The following EPHB1 variants were observed in gnomAD, a reference collection of about 807,000 sequenced individuals.
EPHB1 encodes the protein ephrin type-B receptor 1.
A neutral mutation model predicts 94.4 loss-of-function variants in EPHB1; 30 were observed. The observed-to-expected ratio is 0.32, with a 90% CI of 0.24 to 0.43. The LOEUF is 0.43. EPHB1 is among the 20% of genes least tolerant of loss of function. The pLI, the probability that EPHB1 is intolerant of heterozygous loss-of-function variation, is 1.00. For synonymous variants in EPHB1, 522 were observed against 489.1 expected, an observed-to-expected ratio of 1.07 and a Z score of -0.89; for missense variants, 1,055 against 1,308.3, an observed-to-expected ratio of 0.81 and a Z score of 2.99.
At chr3:134,860,543 G>A (rs146017842) in intron 1 of EPHB1, among the ~76,000 whole-genome samples, 5 of 152,224 alleles carry the variant, frequency 3.3e-5, no homozygotes, top group African/African-American at 1.2e-4. Flanking sequence ...GGCCGGGCGC[G>A]ATGGCTCACG....
chr3:135,259,167 C>A lies in EPHB1; in HGVS notation c.*47C>A. 1 of 1,451,856 alleles carries A rather than the reference C, an allele frequency of 6.9e-7. No individual in the cohort carries two copies. The highest frequency in any genetic ancestry group is 1.2e-5 in the South Asian group (1 of 82,376). The allele number at this position is 1,451,856 out of a possible 1,614,324, so 89.9% of individuals were successfully genotyped here. A position where few individuals can be genotyped will look rare whatever the true frequency, so the allele number is the denominator to read the frequency against. ...GGAGAGGAGGGAAAAGGACCAGGGT[C>A]AAGGGGGACCAGAGGTTGACCACTG... On this transcript the variant is annotated 3_prime_UTR_variant, in exon 16 of 16. Coordinates refer to ENST00000398015, the MANE Select transcript of EPHB1 (RefSeq NM_004441.5).
intron 1 of EPHB1, among the ~76,000 whole-genome samples, chr3:134,847,421 A>C (rs976934005): frequency 6.6e-6 from 1 of 152,124 alleles, no homozygotes; most frequent in Non-Finnish European, 1.5e-5. Flanking sequence ...AAATGTGGAC[A>C]CTCCACCTAC....
intron 2 of EPHB1, among the ~76,000 whole-genome samples, chr3:134,942,678 C>T (rs528387793): frequency 3.9e-5 from 6 of 152,118 alleles, no homozygotes; most frequent in Middle Eastern, 3.4e-3. Context: ...CCATGGTGGT[C>T]GAAGCCTTGT....
intron 1 of EPHB1, among the ~76,000 whole-genome samples, chr3:134,882,328 G>A (rs1013224239): frequency 2.6e-5 from 4 of 152,132 alleles, no homozygotes; most frequent in African/African-American, 7.2e-5. Flanking sequence ...TAACATCTTC[G>A]TTAACCAGTG....
At chr3:134,824,977 CA>C (rs2036448867) in intron 1 of EPHB1, among the ~76,000 whole-genome samples, 1 of 152,234 alleles carries the variant, frequency 6.6e-6, no homozygotes, top group Admixed American at 6.5e-5. Flanking sequence ...GAGAACTATC[CA>C]GTTGGGCCTG....
chr3:135,056,366 C>T (rs1937349610), intron 3 of EPHB1, among the ~76,000 whole-genome samples: 1 of 152,272 alleles, frequency 6.6e-6, no homozygotes, highest in Non-Finnish European at 1.5e-5. Context: ...CACCCTTCCC[C>T]TGTTCGGGCA....
At chr3:135,251,982 T>C (rs1933122590) in intron 15 of EPHB1, among the ~76,000 whole-genome samples, 1 of 152,186 alleles carries the variant, frequency 6.6e-6, no homozygotes, top group Non-Finnish European at 1.5e-5. Flanking sequence ...CTTGAGCACA[T>C]TACTTAATTT....
chr3:135,007,601 T>G (rs967776389), intron 3 of EPHB1, among the ~76,000 whole-genome samples: 1 of 152,198 alleles, frequency 6.6e-6, no homozygotes, highest in African/African-American at 2.4e-5. Flanking sequence ...CCCTAGGTCA[T>G]GGCAGGAAGT....
rs58647369 is a variant in EPHB1, at chr3:135,051,425, A to G, written c.806-55023A>G. Among the ~76,000 whole-genome samples, 405 of 152,344 alleles carry G rather than the reference A, an allele frequency of 2.7e-3. 3 individuals are homozygous for G. Among genetic ancestry groups the G allele is most frequent in the African/African-American group, 9.3e-3 (387 of 41,578 alleles). On this transcript the variant is annotated intron_variant, in intron 3 of 15. Transcript: ENST00000398015. The stretch of plus-strand genomic sequence containing the variant: ...CAAGGTGATTATTTCCTAATAATAA[A>G]TCCCCCAAACTGCTTCCTATCACTC...
intron 3 of EPHB1, among the ~76,000 whole-genome samples, chr3:134,958,166 C>T (rs1421713718): frequency 6.6e-6 from 1 of 152,168 alleles, no homozygotes; most frequent in Admixed American, 6.5e-5. Flanking sequence ...CATTTTGAAC[C>T]TTTCAACAGT....
intron 3 of EPHB1, among the ~76,000 whole-genome samples, chr3:135,061,818 A>G (rs773780523): frequency 6.6e-6 from 1 of 151,994 alleles, no homozygotes; most frequent in African/African-American, 2.4e-5. Flanking sequence ...TCATTGTTCA[A>G]TTCCCACCTA....
At chr3:135,036,573 C>T (rs966777596) in intron 3 of EPHB1, among the ~76,000 whole-genome samples, 1 of 152,158 alleles carries the variant, frequency 6.6e-6, no homozygotes, top group Non-Finnish European at 1.5e-5. Context: ...TTAACTTCAC[C>T]CTTCAGACCT....
intron 1 of EPHB1, among the ~76,000 whole-genome samples, chr3:134,901,302 C>T (rs2107689953): frequency 6.6e-6 from 1 of 152,306 alleles, no homozygotes; most frequent in South Asian, 2.1e-4. Context: ...CTACACGTAA[C>T]ACTTGGTTGA....
At chr3:135,213,759 G>T (rs1275488524) in intron 12 of EPHB1, among the ~76,000 whole-genome samples, 1 of 152,142 alleles carries the variant, frequency 6.6e-6, no homozygotes, top group Non-Finnish European at 1.5e-5. Context: ...GTAGGAAGAG[G>T]CCCATCCAGT....
chr3:134,895,322 G>A (rs1403053957), intron 1 of EPHB1, among the ~76,000 whole-genome samples: 1 of 152,178 alleles, frequency 6.6e-6, no homozygotes, highest in African/African-American at 2.4e-5. Context: ...ATCTGTGAGT[G>A]TAACATTTTT....
At chr3:135,215,644 G>T (rs906192164) in intron 12 of EPHB1, among the ~76,000 whole-genome samples, 1 of 152,200 alleles carries the variant, frequency 6.6e-6, no homozygotes, top group Non-Finnish European at 1.5e-5. Flanking sequence ...AGGAAACCCT[G>T]TCAAGAGAGA....
intron 3 of EPHB1, among the ~76,000 whole-genome samples, chr3:135,091,339 C>T (rs1275141707): frequency 6.6e-6 from 1 of 152,198 alleles, no homozygotes; most frequent in East Asian, 1.9e-4. Flanking sequence ...GCACCTCTGG[C>T]CAAGTCATTG....
chr3:134,989,852 T>G (rs1399372361), intron 3 of EPHB1, among the ~76,000 whole-genome samples: 1 of 152,242 alleles, frequency 6.6e-6, no homozygotes, highest in Non-Finnish European at 1.5e-5. Flanking sequence ...ATCACTATTT[T>G]AAAAGTCACA....
At chr3:135,203,897 C>G (rs1180996143) in intron 12 of EPHB1, among the ~76,000 whole-genome samples, 4 of 152,182 alleles carry the variant, frequency 2.6e-5, no homozygotes, top group Non-Finnish European at 5.9e-5. Flanking sequence ...AGCATCCTCA[C>G]CAGGCCTGGA....
Sources: gnomAD v4.1 joint callset for allele counts (sites outside exome capture counted in the v4.1 genomes callset) on GRCh38, gnomAD v4.1.1 for gene constraint, MANE v1.5 for transcripts, NCBI Gene and HGNC (gene_info 2026-07-23, HGNC 2026-07-21) for gene names.